Variants in CDH13 observed in about 807,000 individuals in gnomAD.
The protein encoded by CDH13 is cadherin 13, also known as cadherin-13.
CDH13 carries 24 observed loss-of-function variants against 63.8 expected under a neutral mutation model. The ratio of observed to expected loss-of-function variants is 0.38; its 90% CI spans 0.27 to 0.53. CDH13 has a LOEUF of 0.53. Among genes scored for constraint, CDH13 ranks in the 20% least tolerant of loss-of-function variants. The pLI, the probability that CDH13 is intolerant of heterozygous loss-of-function variation, is 0.85. For missense variants in CDH13, 1,049 were observed against 903.1 expected (o/e 1.16, Z -2.07); for synonymous variants, 503 against 355.3 (o/e 1.42, Z -4.67).
intron 2 of CDH13, among the ~76,000 whole-genome samples, chr16:82,984,783 A>T (rs1470039903): frequency 6.6e-6 from 1 of 152,194 alleles, no homozygotes; most frequent in Non-Finnish European, 1.5e-5. Flanking sequence ...TCAGGATAGT[A>T]TGCTTTATAC....
Position 83,142,932 on chromosome 16 carries a change from C to T in CDH13, c.483+17431C>T, listed in dbSNP as rs193110479. 3.9e-3 allele frequency among the ~76,000 whole-genome samples: 593 copies of T among 152,226 alleles called. 19 individuals are homozygous for T. The highest frequency in any genetic ancestry group is 5.3e-4 in the Non-Finnish European group (36 of 68,018). ...CAGCCTGACCCACATGAAGAAACCCCGTATGTACTGAAAATACAAAATTAG... is the reference window on the plus strand; with the variant it reads ...CAGCCTGACCCACATGAAGAAACCCTGTATGTACTGAAAATACAAAATTAG... On this transcript the variant is annotated intron_variant, in intron 4 of 13. Coordinates refer to ENST00000567109, the MANE Select transcript of CDH13 (RefSeq NM_001257.5).
intron 2 of CDH13, among the ~76,000 whole-genome samples, chr16:82,922,797 G>A (rs767277908): frequency 1.3e-5 from 2 of 152,178 alleles, no homozygotes; most frequent in Non-Finnish European, 2.9e-5. Flanking sequence ...TAGCTAGTCT[G>A]TGCCACACTG....
intron 6 of CDH13, among the ~76,000 whole-genome samples, chr16:83,399,268 A>G (rs1480280037): frequency 1.3e-5 from 2 of 152,218 alleles, no homozygotes; most frequent in African/African-American, 2.4e-5. Flanking sequence ...TAGCAGGCTT[A>G]TTATGATGAT....
At chr16:82,636,712 A>G (rs1413740234) in intron 1 of CDH13, among the ~76,000 whole-genome samples, 1 of 152,194 alleles carries the variant, frequency 6.6e-6, no homozygotes, top group Non-Finnish European at 1.5e-5. Context: ...ATATTGGTAA[A>G]TGTTTAACAA....
intron 6 of CDH13, among the ~76,000 whole-genome samples, chr16:83,399,062 A>C (rs563294414): frequency 1.6e-4 from 25 of 152,328 alleles, no homozygotes; most frequent in African/African-American, 6.0e-4. Context: ...ATATCCTAAA[A>C]AGGATACAAA....
intron 2 of CDH13, among the ~76,000 whole-genome samples, chr16:82,914,758 A>T (rs1313610422): frequency 6.6e-6 from 1 of 152,170 alleles, no homozygotes; most frequent in Non-Finnish European, 1.5e-5. Context: ...GAGAGTGGAG[A>T]ATGTGGAAGT....
chr16:83,062,512 C>T (rs1015590657), intron 3 of CDH13, among the ~76,000 whole-genome samples: 1 of 152,036 alleles, frequency 6.6e-6, no homozygotes, highest in African/African-American at 2.4e-5. Flanking sequence ...GTCTCATGGT[C>T]CCAGGGATCA....
At chr16:83,357,310 T>G (rs180803254) in intron 6 of CDH13, among the ~76,000 whole-genome samples, 48 of 152,254 alleles carry the variant, frequency 3.2e-4, no homozygotes, top group Non-Finnish European at 6.5e-4. Context: ...GGGGATGACT[T>G]GAATAGTAAC....
intron 2 of CDH13, among the ~76,000 whole-genome samples, chr16:82,959,896 G>A (rs1384998438): frequency 6.6e-6 from 1 of 152,082 alleles, no homozygotes; most frequent in South Asian, 2.1e-4. Flanking sequence ...TTTTAATGGA[G>A]GTTTTCATTC....
intron 5 of CDH13, among the ~76,000 whole-genome samples, chr16:83,257,587 C>A (rs1906451721): frequency 1.3e-5 from 2 of 152,254 alleles, no homozygotes; most frequent in South Asian, 4.2e-4. Flanking sequence ...ACCAGCAGCA[C>A]TAATCATTTT....
At chr16:82,648,267 T>C (rs1056058812) in intron 1 of CDH13, among the ~76,000 whole-genome samples, 1 of 152,172 alleles carries the variant, frequency 6.6e-6, no homozygotes. Flanking sequence ...CAGAGGTAAA[T>C]ACAGGAAAAT....
intron 3 of CDH13, among the ~76,000 whole-genome samples, chr16:83,042,339 C>T (rs533359597): frequency 6.6e-6 from 1 of 152,292 alleles, no homozygotes; most frequent in East Asian, 1.9e-4. Flanking sequence ...ATCAGATTCT[C>T]ATAGGAGTGT....
chr16:82,745,681 T>TA (rs1243764071), intron 1 of CDH13, among the ~76,000 whole-genome samples: 2 of 152,230 alleles, frequency 1.3e-5, no homozygotes, highest in African/African-American at 4.8e-5. Context: ...TTTTCTCCCT[T>TA]AGGTATAAGC....
intron 3 of CDH13, among the ~76,000 whole-genome samples, chr16:83,123,605 G>A (rs1016971099): frequency 6.6e-6 from 1 of 152,118 alleles, no homozygotes; most frequent in Non-Finnish European, 1.5e-5. Flanking sequence ...CCTGTCTTCT[G>A]TTGATGGACA....
At chr16:83,074,556 A>AT (rs1466845669) in intron 3 of CDH13, among the ~76,000 whole-genome samples, 1 of 152,110 alleles carries the variant, frequency 6.6e-6, no homozygotes, top group Non-Finnish European at 1.5e-5. Flanking sequence ...ATTTTTAGTG[A>AT]TTTTTTAAGA....
At chr16:83,093,100 C>T (rs140728110) in intron 3 of CDH13, among the ~76,000 whole-genome samples, 5 of 152,180 alleles carry the variant, frequency 3.3e-5, no homozygotes, top group Admixed American at 6.5e-5. Flanking sequence ...ACTCACTCAA[C>T]CTCCATCTAT....
intron 3 of CDH13, among the ~76,000 whole-genome samples, chr16:83,118,035 T>G (rs1280643835): frequency 2.6e-5 from 4 of 152,158 alleles, no homozygotes; most frequent in Admixed American, 2.0e-4. Flanking sequence ...GAATCCAGCA[T>G]GCGTGAGGCT....
chr16:82,942,111 T>A (rs1904294768), intron 2 of CDH13, among the ~76,000 whole-genome samples: 1 of 152,214 alleles, frequency 6.6e-6, no homozygotes, highest in Non-Finnish European at 1.5e-5. Context: ...TAAGAAATAT[T>A]TGCATACCCC....
intron 3 of CDH13, among the ~76,000 whole-genome samples, chr16:83,063,337 G>T (rs961541708): frequency 1.3e-5 from 2 of 152,158 alleles, no homozygotes; most frequent in Non-Finnish European, 2.9e-5. Flanking sequence ...CCCAGCCCCA[G>T]AAGTTACACA....
Sources: gnomAD v4.1 joint callset for allele counts (sites outside exome capture counted in the v4.1 genomes callset) on GRCh38, gnomAD v4.1.1 for gene constraint, MANE v1.5 for transcripts, NCBI Gene and HGNC (gene_info 2026-07-23, HGNC 2026-07-21) for gene names.